The following DCX variants were observed in gnomAD, a reference collection of about 807,000 sequenced individuals.
The protein encoded by DCX is neuronal migration protein doublecortin.
DCX carries 4 observed loss-of-function variants against 20.9 expected under a neutral mutation model. The ratio of observed to expected loss-of-function variants is 0.19; its 90% CI spans 0.09 to 0.44. The LOEUF is 0.44. Among genes scored for constraint, DCX ranks in the 20% least tolerant of loss-of-function variants. The pLI is 0.99. For missense variants in DCX, 133 were observed against 296.9 expected, an observed-to-expected ratio of 0.45 and a Z score of 4.06; for synonymous variants, 103 against 111.4, an observed-to-expected ratio of 0.92 and a Z score of 0.47.
intron 5 of DCX, among the ~76,000 whole-genome samples, chrX:111,323,804 G>A (rs1458379811): frequency 9.1e-6 from 1 of 110,464 alleles, no homozygotes; most frequent in Non-Finnish European, 1.9e-5. Context: ...GATGAGAAAT[G>A]TGGTGGCACC....
At chrX:111,348,865 TAAAAA>T (rs373998339) in intron 3 of DCX, among the ~76,000 whole-genome samples, 27 of 97,588 alleles carry the variant, frequency 2.8e-4, no homozygotes, top group East Asian at 1.6e-3. Context: ...AAAGGTTTGT[TAAAAA>T]AAAAAAAAGA....
intron 3 of DCX, among the ~76,000 whole-genome samples, chrX:111,352,845 G>C (rs1428938496): frequency 2.8e-5 from 3 of 107,226 alleles, no homozygotes; most frequent in Non-Finnish European, 3.9e-5. Context: ...GACAGAGAGA[G>C]AGAGAGAGAG....
At chrX:111,378,230 G>A (rs746392291) in intron 3 of DCX, among the ~76,000 whole-genome samples, 24 of 111,748 alleles carry the variant, frequency 2.1e-4, no homozygotes, top group Non-Finnish European at 3.6e-4. Context: ...AAACTTCACA[G>A]GTGTTCAGAA....
intron 5 of DCX, among the ~76,000 whole-genome samples, chrX:111,320,641 G>T (rs1196259479): frequency 9.1e-6 from 1 of 110,215 alleles, no homozygotes; most frequent in Non-Finnish European, 1.9e-5. Flanking sequence ...TTTATATATG[G>T]TACAAATTCT....
chrX:111,362,233 A>G (rs1405141806), intron 3 of DCX, among the ~76,000 whole-genome samples: 1 of 111,639 alleles, frequency 9.0e-6, no homozygotes, highest in African/African-American at 3.3e-5. Flanking sequence ...CCCTTGAATC[A>G]GAGCTTGAGT....
chrX:111,316,071 G>A (rs947452277), intron 5 of DCX, among the ~76,000 whole-genome samples: 1 of 52,071 alleles, frequency 1.9e-5, no homozygotes, highest in African/African-American at 1.4e-4. Flanking sequence ...CTAAAACTTA[G>A]AGTATAATAA....
chrX:111,363,387 T>C (rs753125894), intron 3 of DCX, among the ~76,000 whole-genome samples: 1 of 109,897 alleles, frequency 9.1e-6, no homozygotes, highest in South Asian at 4.1e-4. Context: ...TTTAAATCTG[T>C]AGTCCTCCAG....
At chrX:111,341,189 T>A (rs1922195048) in intron 3 of DCX, among the ~76,000 whole-genome samples, 1 of 109,771 alleles carries the variant, frequency 9.1e-6, no homozygotes, top group Non-Finnish European at 1.9e-5. Context: ...AATGACCTGA[T>A]GGAGCTGAAC....
At chrX:111,372,466 T>C (rs1925180467) in intron 3 of DCX, among the ~76,000 whole-genome samples, 1 of 111,738 alleles carries the variant, frequency 8.9e-6, no homozygotes, top group Non-Finnish European at 1.9e-5. Flanking sequence ...GAAAATCCCA[T>C]TGTACTGGGC....
intron 6 of DCX, among the ~76,000 whole-genome samples, chrX:111,312,021 G>A (rs2095058789): frequency 1.8e-5 from 2 of 112,276 alleles, no homozygotes; most frequent in African/African-American, 6.5e-5. Context: ...TTGGATAGCG[G>A]GGCTAGGGAA....
rs2095023350 is a variant in DCX, at chrX:111,297,198, C to A, written c.*4489G>T. 8.9e-6 allele frequency: 1 copy of A among 111,952 alleles called. No homozygotes were observed. Among genetic ancestry groups the A allele is most frequent in the Non-Finnish European group, 1.9e-5 (1 of 53,209 alleles). 9.2% of individuals were successfully genotyped at this position (111,952 alleles called of 1,213,427 possible). Reference sequence around the variant, plus strand: ...AAATCAATGCCTTTTATTTCCATAGCAAACTGGACAACCATAAAAGAAGTC... The same window carrying A: ...AAATCAATGCCTTTTATTTCCATAGAAAACTGGACAACCATAAAAGAAGTC... On this transcript the variant is annotated 3_prime_UTR_variant, in exon 7 of 7. Coordinates refer to ENST00000636035, the MANE Select transcript of DCX (RefSeq NM_001195553.2).
rs781251671 is a variant in DCX, at chrX:111,372,676, A to T, written c.705+28314T>A. Among the ~76,000 whole-genome samples, 94 of 111,863 alleles carry T rather than the reference A, an allele frequency of 8.4e-4. 1 individual carries two copies. Among genetic ancestry groups the T allele is most frequent in the Non-Finnish European group, 1.7e-3 (88 of 53,128 alleles). On this transcript the variant is annotated intron_variant, in intron 3 of 6. Transcript: ENST00000636035. ...GAGTGGCATGCCCTGGGCAGGGCAGAAGATGGATATCTAGTAGTAAACTCT... is the reference window on the plus strand; with the variant it reads ...GAGTGGCATGCCCTGGGCAGGGCAGTAGATGGATATCTAGTAGTAAACTCT...
intron 3 of DCX, among the ~76,000 whole-genome samples, chrX:111,371,563 T>C (rs969499303): frequency 1.8e-5 from 2 of 111,662 alleles, no homozygotes; most frequent in African/African-American, 6.5e-5. Context: ...AAAAGGTTAG[T>C]TGGGAGATTT....
At chrX:111,391,208 T>C (rs930962506) in intron 3 of DCX, among the ~76,000 whole-genome samples, 2 of 110,129 alleles carry the variant, frequency 1.8e-5, no homozygotes, top group African/African-American at 6.6e-5. Flanking sequence ...TGAGTTCTCA[T>C]GAGATCTGAT....
At position 111,396,766 on chromosome X, in the gene DCX, A is replaced by G. The variant is rs142771482; in HGVS notation, c.705+4224T>C. Among the ~76,000 whole-genome samples, 263 of 112,132 alleles carry G rather than the reference A, an allele frequency of 2.3e-3. 2 individuals carry two copies. Among genetic ancestry groups the G allele is most frequent in the African/African-American group, 8.1e-3 (250 of 30,850 alleles). On this transcript the variant is annotated intron_variant, in intron 3 of 6. Transcript: ENST00000636035. Reference sequence around the variant, plus strand: ...AATTTTCACCTGCAAGTGAACTAATATGCATCACCATCCAATCCTCTATCA... The same window carrying G: ...AATTTTCACCTGCAAGTGAACTAATGTGCATCACCATCCAATCCTCTATCA...
intron 3 of DCX, among the ~76,000 whole-genome samples, chrX:111,368,081 C>A (rs1401007259): frequency 9.0e-6 from 1 of 111,472 alleles, no homozygotes; most frequent in African/African-American, 3.3e-5. Context: ...TAGCATGATC[C>A]CAGACCTAGG....
At chrX:111,403,011 T>C (rs1231206226) in intron 2 of DCX, among the ~76,000 whole-genome samples, 1 of 111,172 alleles carries the variant, frequency 9.0e-6, no homozygotes, top group African/African-American at 3.3e-5. Context: ...GAAGCTCTGA[T>C]TTCTTTGACT....
Position 111,410,257 on chromosome X carries a change from T to G in DCX, c.142A>C (p.Asn48His). Residue 48 changes from asparagine to histidine, a missense_variant, in exon 2 of 7, where the codon AAT becomes CAT. Around this residue, in one of 2 missense-constraint regions of DCX, gnomAD observed 65 missense variants for 212.6 expected, o/e 0.31. Transcript: ENST00000636035. ...CGTACCTTCTTGGCTTTCTTCTCATTACTCAGTGCCTGCAAGGTTCTGGTT... is the reference window on the plus strand; with the variant it reads ...CGTACCTTCTTGGCTTTCTTCTCATGACTCAGTGCCTGCAAGGTTCTGGTT... ...YRTRTLQALS[N>H]EKKAKKVRFY... 8.3e-7 allele frequency: 1 copy of G among 1,211,621 alleles called. No individual in the cohort carries two copies. Among genetic ancestry groups the G allele is most frequent in the Non-Finnish European group, 1.1e-6 (1 of 895,473 alleles).
chrX:111,411,214 C>T, intron 1 of DCX: 1 of 376,112 alleles, frequency 2.7e-6, no homozygotes, highest in Non-Finnish European at 4.7e-6. Flanking sequence ...CCCCCGGTTC[C>T]ATTTGTTCAC....
Sources: gnomAD v4.1 joint callset for allele counts (sites outside exome capture counted in the v4.1 genomes callset) on GRCh38, gnomAD v4.1.1 for gene constraint, gnomAD v4.1.1 regional missense constraint, MANE v1.5 for transcripts, NCBI Gene and HGNC (gene_info 2026-07-23, HGNC 2026-07-21) for gene names.